SH3PXD2A: variants seen among roughly 807,000 people sequenced by gnomAD.
SH3PXD2A encodes the protein SH3 and PX domain-containing protein 2A.
SH3PXD2A carries 32 observed loss-of-function variants against 115.2 expected under a neutral mutation model. The ratio of observed to expected loss-of-function variants is 0.28; its 90% CI spans 0.21 to 0.37. The LOEUF is 0.37. Among genes scored for constraint, SH3PXD2A ranks in the 10% least tolerant of loss-of-function variants. The probability of loss-of-function intolerance (pLI) is 1.00; values close to 1 mark genes in which losing one functional copy is unlikely to be tolerated. For synonymous variants in SH3PXD2A, 610 were observed against 629.1 expected (o/e 0.97, Z 0.45); for missense variants, 1,328 against 1,498.7 (o/e 0.89, Z 1.88).
At chr10:103,731,424 G>T (rs2038318769) in intron 4 of SH3PXD2A, among the ~76,000 whole-genome samples, 1 of 152,202 alleles carries the variant, frequency 6.6e-6, no homozygotes, top group African/African-American at 2.4e-5. Flanking sequence ...GCCTCCCAAA[G>T]TGCTGGGATT....
intron 5 of SH3PXD2A, among the ~76,000 whole-genome samples, chr10:103,701,035 TCCATCCACCATCCATC>T (rs202026513): frequency 0.78 from 40,729 of 51,932 alleles, 15,676 homozygotes; most frequent in African/African-American, 0.86. Context: ...CATCCATCCA[TCCATCCACCATCCATC>T]CATCCATCCA....
chr10:103,727,161 G>A lies in SH3PXD2A; in HGVS notation c.307-2800C>T, dbSNP rs561772044. 2.0e-5 allele frequency among the ~76,000 whole-genome samples: 3 copies of A among 152,252 alleles called. No individual in the cohort carries two copies. The East Asian group carries it at 5.8e-4, about 29-fold the overall frequency. On this transcript the variant is annotated intron_variant, in intron 4 of 14. Coordinates refer to ENST00000369774, the MANE Select transcript of SH3PXD2A (RefSeq NM_001394015.1). ...TTTTGTCCTGGAGGTAGACATCATT[G>A]CCTCCACATACGATGGGGACACTGA...
chr10:103,674,362 G>A (rs1474662004), intron 6 of SH3PXD2A, among the ~76,000 whole-genome samples: 1 of 152,166 alleles, frequency 6.6e-6, no homozygotes, highest in African/African-American at 2.4e-5. Context: ...CAGGGTTATC[G>A]GTCCTTTACA....
chr10:103,634,344 G>T (rs2036833600), intron 8 of SH3PXD2A, among the ~76,000 whole-genome samples: 1 of 152,264 alleles, frequency 6.6e-6, no homozygotes, highest in Non-Finnish European at 1.5e-5. Context: ...CTGCACATGT[G>T]TGTATCACAC....
intron 4 of SH3PXD2A, among the ~76,000 whole-genome samples, chr10:103,731,253 C>T (rs1465276832): frequency 6.6e-6 from 1 of 151,884 alleles, no homozygotes; most frequent in African/African-American, 2.4e-5. Context: ...CTCTGCCTCC[C>T]AGGCTCAAGT....
intron 8 of SH3PXD2A, among the ~76,000 whole-genome samples, chr10:103,659,234 A>G (rs1371831777): frequency 6.6e-6 from 1 of 152,174 alleles, no homozygotes; most frequent in African/African-American, 2.4e-5. Flanking sequence ...TCTCATCTTC[A>G]GCCATCCTGG....
chr10:103,643,834 A>T (rs534336811), intron 8 of SH3PXD2A, among the ~76,000 whole-genome samples: 1 of 152,206 alleles, frequency 6.6e-6, no homozygotes, highest in Non-Finnish European at 1.5e-5. Flanking sequence ...AGACCAGGCC[A>T]GGCGCGGTGG....
In SH3PXD2A at chr10:103,713,457, T is replaced by G. The variant is rs556958499; in HGVS notation, c.398+10813A>C. Among the ~76,000 whole-genome samples the G allele has an allele frequency of 4.6e-5, 7 of 152,334 alleles. No individual in the cohort carries two copies. In the East Asian group the frequency reaches 1.4e-3, roughly 29 times the overall value. The stretch of plus-strand genomic sequence containing the variant: ...ATTGTTAATGACTGCCTCAGGCCTA[T>G]CTCTTCTTGGCCTAGCCCTAGCCAA... On this transcript the variant is annotated intron_variant, in intron 5 of 14. Transcript: ENST00000369774.
chr10:103,679,451 G>C (rs1335215121), intron 6 of SH3PXD2A, among the ~76,000 whole-genome samples: 1 of 152,226 alleles, frequency 6.6e-6, no homozygotes, highest in Non-Finnish European at 1.5e-5. Flanking sequence ...TAGCCTTCAA[G>C]GGTACCCTCC....
intron 1 of SH3PXD2A, among the ~76,000 whole-genome samples, chr10:103,843,537 G>C (rs952458550): frequency 1.3e-5 from 2 of 152,170 alleles, no homozygotes; most frequent in African/African-American, 2.4e-5. Flanking sequence ...ATACAAATTT[G>C]AACCTGCAAA....
chr10:103,714,796 T>A (rs1334730633), intron 5 of SH3PXD2A, among the ~76,000 whole-genome samples: 1 of 152,220 alleles, frequency 6.6e-6, no homozygotes, highest in Admixed American at 6.5e-5. Context: ...GTGGCCCACG[T>A]CCCTGGCCAG....
intron 13 of SH3PXD2A, among the ~76,000 whole-genome samples, chr10:103,608,446 A>G (rs141270224): frequency 0.017 from 2,550 of 150,558 alleles, 70 homozygotes; most frequent in African/African-American, 0.058. Flanking sequence ...AAAAAAAAAA[A>G]AAAAGAAAAA....
chr10:103,608,542 G>A (rs181124551), intron 13 of SH3PXD2A: 7 of 148,304 alleles, frequency 4.7e-5, no homozygotes, highest in Admixed American at 2.7e-4. Context: ...ATCCATAAAT[G>A]TACCTTATTT....
At chr10:103,605,965 A>C in intron 13 of SH3PXD2A, 48 bp from the exon 14 acceptor site, 1 of 1,603,608 alleles carries the variant, frequency 6.2e-7, no homozygotes, top group Non-Finnish European at 8.5e-7. Flanking sequence ...AAATCAGAAG[A>C]GTAACTTGGC....
At chr10:103,695,536 G>A (rs12776823) in intron 5 of SH3PXD2A, among the ~76,000 whole-genome samples, 34,919 of 150,762 alleles carry the variant, frequency 0.23, 4,923 homozygotes, top group Non-Finnish European at 0.31. Flanking sequence ...AAAAGAGTGG[G>A]GAAGACACAA....
At chr10:103,697,850 GTGTTGTTCCCC>G (rs879536090) in intron 5 of SH3PXD2A, among the ~76,000 whole-genome samples, 4 of 152,164 alleles carry the variant, frequency 2.6e-5, no homozygotes, top group Non-Finnish European at 4.4e-5. Context: ...CAATTCACAT[GTGTTGTTCCCC>G]TGTTTTGACA....
At chr10:103,634,532 T>C (rs531373956) in intron 8 of SH3PXD2A, among the ~76,000 whole-genome samples, 14 of 152,324 alleles carry the variant, frequency 9.2e-5, no homozygotes, top group South Asian at 6.2e-4. Context: ...CCCAGGTTCT[T>C]AGCCACTGTC....
At chr10:103,619,118 T>C (rs2036565087) in intron 10 of SH3PXD2A, among the ~76,000 whole-genome samples, 1 of 152,210 alleles carries the variant, frequency 6.6e-6, no homozygotes, top group African/African-American at 2.4e-5. Context: ...TTGGTCAGCA[T>C]CGACTCAGGG....
In SH3PXD2A at chr10:103,602,422, G is replaced by A. The variant is rs3740473; in HGVS notation, c.2796C>T (p.Arg932=). Residue 932 remains arginine (R), a synonymous_variant, in exon 15 of 15, where the codon CGC becomes CGT. Transcript: ENST00000369774. ...KSDSLEKIER[R]VQALNTVNQS... ...GGTTGACGGTGTTCAGTGCTTGGAC[G>A]CGCCTCTCGATCTTCTCCAGGCTGT... 0.089 allele frequency: 143,859 copies of A among 1,613,918 alleles called. 7,592 individuals carry two copies. Among genetic ancestry groups the A allele is most frequent in the East Asian group, 0.25 (11,188 of 44,856 alleles).
Sources: allele counts gnomAD v4.1 joint callset (sites outside exome capture counted in the v4.1 genomes callset), GRCh38; gene constraint gnomAD v4.1.1; transcripts MANE v1.5; gene names NCBI Gene and HGNC (gene_info 2026-07-23, HGNC 2026-07-21).